Variants in PLCH2 observed in about 807,000 individuals in gnomAD.
PLCH2 encodes the protein 1-phosphatidylinositol 4,5-bisphosphate phosphodiesterase eta-2.
In PLCH2, 98 loss-of-function variants were observed where a neutral mutation model predicts 134.7. The observed-to-expected ratio is 0.73, with a 90% CI of 0.62 to 0.86. PLCH2 has a LOEUF of 0.86. PLCH2 is among the 40% of genes least tolerant of loss of function. The pLI is 0.00. For synonymous variants in PLCH2, 974 were observed against 827.5 expected (o/e 1.18, Z -3.04); for missense variants, 1,994 against 1,986.6 (o/e 1.00, Z -0.07).
intron 2 of PLCH2, among the ~76,000 whole-genome samples, chr1:2,455,760 A>G (rs1409603754): frequency 6.6e-6 from 1 of 152,036 alleles, no homozygotes; most frequent in Non-Finnish European, 1.5e-5. Context: ...GAGAGGGCCC[A>G]GTTCGGGGAG....
rs1203272682 is a variant in PLCH2, at chr1:2,444,520, C to T, written c.115+13891C>T. ...CGGCCCTGCTGGATGGTCTGTAGGA[C>T]ACGGGAGGGGGAAGTGTTTGAGTGT... On this transcript the variant is annotated intron_variant, in intron 2 of 3. Transcript: ENST00000609981. This position sits in a 1 kb window ranked among gnomAD's most constrained non-coding sequence, Gnocchi z 4.6. 6.9e-6 allele frequency among the ~76,000 whole-genome samples: 1 copy of T among 144,012 alleles called. No homozygotes were observed. The highest frequency in any genetic ancestry group is 1.6e-5 in the Non-Finnish European group (1 of 64,432). 94.5% of individuals were successfully genotyped at this position (144,012 alleles called of 152,430 possible).
chr1:2,430,132 G>T (rs1373704284), intron 1 of PLCH2, among the ~76,000 whole-genome samples: 2 of 152,134 alleles, frequency 1.3e-5, no homozygotes, highest in Admixed American at 6.5e-5. Flanking sequence ...CCTGCCCTTT[G>T]GTTCTTCCCA....
intron 1 of PLCH2, among the ~76,000 whole-genome samples, chr1:2,426,370 T>C (rs1041271231): frequency 5.9e-5 from 9 of 152,192 alleles, no homozygotes; most frequent in African/African-American, 2.2e-4. Context: ...GCACTAAGCT[T>C]CCCCTTCTTG....
chr1:2,422,496 G>A (rs949956588), upstream of PLCH2, among the ~76,000 whole-genome samples: 13 of 152,192 alleles, frequency 8.5e-5, no homozygotes, highest in African/African-American at 2.4e-4. Context: ...GGGCTGAGCC[G>A]CCTTTTCAGG....
At chr1:2,417,715 C>G in the PLCH2 span, among the ~76,000 whole-genome samples, 1 of 152,204 alleles carries the variant, frequency 6.6e-6, no homozygotes, top group Non-Finnish European at 1.5e-5. Context: ...CCTCCTGAGG[C>G]ACTGCCACGC....
chr1:2,502,029 G>T (rs896626450), intron 20 of PLCH2, 83 bp from the exon 21 acceptor site: 65 of 1,260,704 alleles, frequency 5.2e-5, no homozygotes, highest in Non-Finnish European at 6.0e-5. Flanking sequence ...TCTGTGGCAC[G>T]GTCTGGAGAG....
intron 21 of PLCH2, chr1:2,503,021 G>C (rs558057709): frequency 2.8e-6 from 2 of 714,608 alleles, no homozygotes; most frequent in Admixed American, 2.0e-5. Context: ...GCTCGTGCTC[G>C]TGGCTCTGTA....
chr1:2,454,623 C>T (rs1167954523), intron 2 of PLCH2, among the ~76,000 whole-genome samples: 4 of 152,114 alleles, frequency 2.6e-5, no homozygotes, highest in Non-Finnish European at 5.9e-5. Context: ...CCTCTGGAGC[C>T]CCCTCCCAGG....
At chr1:2,497,425 C>T (rs1642956591) in intron 15 of PLCH2, 77 bp from the exon 16 acceptor site, 9 of 734,690 alleles carry the variant, frequency 1.2e-5, no homozygotes, top group Middle Eastern at 2.9e-4. Flanking sequence ...GGGAGGCTAG[C>T]GTGTGGTGGT....
At chr1:2,461,176 G>A (rs1236103027) in intron 2 of PLCH2, among the ~76,000 whole-genome samples, 2 of 152,222 alleles carry the variant, frequency 1.3e-5, no homozygotes, top group Admixed American at 1.3e-4. Flanking sequence ...GCTGGCCAAG[G>A]CTCTGCATGG....
chr1:2,489,474 A>G (rs6668720), intron 9 of PLCH2, 96 bp downstream of exon 9: 862,923 of 1,325,670 alleles, frequency 0.65, 282,724 homozygotes, highest in East Asian at 0.85. Context: ...CATGCCATCC[A>G]TGGGCATATC....
At chr1:2,429,290 A>G (rs1638953767) in intron 1 of PLCH2, among the ~76,000 whole-genome samples, 1 of 152,156 alleles carries the variant, frequency 6.6e-6, no homozygotes, top group South Asian at 2.1e-4. Flanking sequence ...TTGAGGGCCC[A>G]GGACTCCTGA....
At chr1:2,473,388 C>T (rs992233716), upstream of PLCH2, among the ~76,000 whole-genome samples, 11 of 152,318 alleles carry the variant, frequency 7.2e-5, no homozygotes, top group South Asian at 8.3e-4. Flanking sequence ...CCGTGGGGCC[C>T]GCAGAGCCCT....
intron 1 of PLCH2, among the ~76,000 whole-genome samples, chr1:2,428,501 C>T (rs7515934): frequency 0.16 from 23,671 of 152,312 alleles, 2,237 homozygotes; most frequent in East Asian, 0.33. Flanking sequence ...CTGGCTCGCC[C>T]GGTGCCGTGC....
At position 2,476,660 on chromosome 1, in the gene PLCH2, C is replaced by T; in HGVS notation, c.72C>T (p.Leu24=). 6.2e-7 allele frequency: 1 copy of T among 1,610,084 alleles called. No individual in the cohort carries two copies. The highest frequency in any genetic ancestry group is 1.7e-5 in the Admixed American group (1 of 59,794). ...GTVAWLAEVL[L]WVGGSVVLSS... is the part of the protein sequence containing the mutation. ...TGGCCTGGCTGGCGGAGGTACTCCTCTGGGTTGGAGGGAGTGTGGTGCTGT... is the reference window on the plus strand; with the variant it reads ...TGGCCTGGCTGGCGGAGGTACTCCTTTGGGTTGGAGGGAGTGTGGTGCTGT... Residue 24 remains leucine (L), a synonymous_variant, in exon 1 of 22, where the codon CTC becomes CTT. Transcript: ENST00000378486.
chr1:2,431,150 G>GTC (rs1639050235), intron 2 of PLCH2, among the ~76,000 whole-genome samples: 1 of 151,790 alleles, frequency 6.6e-6, no homozygotes, highest in African/African-American at 2.4e-5. Flanking sequence ...GCGTGTGCGT[G>GTC]TGTGTGTGTG....
intron 20 of PLCH2, chr1:2,501,619 C>T (rs1440137010): frequency 6.4e-6 from 1 of 157,408 alleles, no homozygotes; most frequent in East Asian, 1.9e-4. Context: ...AAGTGGGCCT[C>T]CCGCTGCACC....
At chr1:2,453,881 C>A (rs1288102290) in intron 2 of PLCH2, among the ~76,000 whole-genome samples, 2 of 152,056 alleles carry the variant, frequency 1.3e-5, no homozygotes, top group Non-Finnish European at 2.9e-5. Flanking sequence ...GCGGGGGCTG[C>A]TGGAGGGGCC....
rs12406068 is a variant in PLCH2 at position 2,448,062 on chromosome 1, C to G, written c.115+17433C>G. On this transcript the variant is annotated intron_variant, in intron 2 of 3. Transcript: ENST00000609981. The surrounding 1 kb of genome is among the most constrained non-coding windows in gnomAD (Gnocchi z 4.0). ...GCTGCTGTGGTCCTTTTTCCCTGGT[C>G]GTGGCCTCCAGGCAGCCAAACCCAG... 0.25 allele frequency among the ~76,000 whole-genome samples: 38,520 copies of G among 152,036 alleles called. 5,191 individuals are homozygous for G. The highest frequency in any genetic ancestry group is 0.41 in the East Asian group (2,119 of 5,158).
Sources: gnomAD v4.1 joint callset for allele counts (sites outside exome capture counted in the v4.1 genomes callset) on GRCh38, gnomAD v4.1.1 for gene constraint, Gnocchi (gnomAD v3.1) non-coding constraint, MANE v1.5 for transcripts, NCBI Gene and HGNC (gene_info 2026-07-23, HGNC 2026-07-21) for gene names.